Variants in MITF observed in about 807,000 individuals in gnomAD.
MITF encodes melanocyte inducing transcription factor.
A neutral mutation model predicts 60.5 loss-of-function variants in MITF; 17 were observed. That is an observed-to-expected ratio of 0.28 (90% CI 0.19 to 0.42). The LOEUF is 0.42. Among genes scored for constraint, MITF ranks in the 10% least tolerant of loss-of-function variants. The probability of loss-of-function intolerance (pLI) is 1.00; values close to 1 mark genes in which losing one functional copy is unlikely to be tolerated. For missense variants in MITF, 622 were observed against 683.5 expected (o/e 0.91, Z 1.00); for synonymous variants, 260 against 248.5 (o/e 1.05, Z -0.43).
chr3:69,906,816 A>G (rs1244908974), intron 2 of MITF, among the ~76,000 whole-genome samples: 2 of 152,186 alleles, frequency 1.3e-5, no homozygotes, highest in African/African-American at 4.8e-5. Context: ...GAGAGCATCT[A>G]GAATGGAGAC....
intron 5 of MITF, among the ~76,000 whole-genome samples, chr3:69,943,767 G>A (rs2066026791): frequency 6.6e-6 from 1 of 152,024 alleles, no homozygotes; most frequent in Non-Finnish European, 1.5e-5. Context: ...GAAGACAGTT[G>A]TCATGACCCC....
At chr3:69,905,270 A>G (rs1359996144) in intron 2 of MITF, among the ~76,000 whole-genome samples, 1 of 152,148 alleles carries the variant, frequency 6.6e-6, no homozygotes, top group Non-Finnish European at 1.5e-5. Flanking sequence ...TTCACTCAGC[A>G]TAATTAATTT....
intron 1 of MITF, among the ~76,000 whole-genome samples, chr3:69,862,482 T>C (rs564275934): frequency 6.6e-6 from 1 of 152,260 alleles, no homozygotes; most frequent in South Asian, 2.1e-4. Flanking sequence ...AAAGAAAGAA[T>C]ATAAGAAAAT....
intron 1 of MITF, among the ~76,000 whole-genome samples, chr3:69,847,128 C>CAGTGGGACAGCGGGAAGCAGACTA (rs2063745841): frequency 6.6e-6 from 1 of 152,116 alleles, no homozygotes; most frequent in Non-Finnish European, 1.5e-5. Context: ...TCTATAAGGA[C>CAGTGGGACAGCGGGAAGCAGACTA]AGTGGGACAG....
intron 2 of MITF, among the ~76,000 whole-genome samples, chr3:69,924,434 C>T (rs1019728984): frequency 2.0e-5 from 3 of 152,118 alleles, no homozygotes; most frequent in Non-Finnish European, 4.4e-5. Context: ...TAACACTTTT[C>T]CTTTTATGGA....
chr3:69,784,396 A>G (rs938156781), intron 1 of MITF, among the ~76,000 whole-genome samples: 3 of 152,102 alleles, frequency 2.0e-5, no homozygotes, highest in African/African-American at 7.2e-5. Context: ...TTTTGGGGTA[A>G]GAGAAGGGAG....
intron 2 of MITF, among the ~76,000 whole-genome samples, chr3:69,884,226 C>G (rs2064557858): frequency 6.6e-6 from 1 of 152,120 alleles, no homozygotes; most frequent in Non-Finnish European, 1.5e-5. Context: ...CCGTCATGTT[C>G]CCTGGAAGGA....
chr3:69,869,392 G>A (rs1231325654), intron 1 of MITF, among the ~76,000 whole-genome samples: 1 of 152,116 alleles, frequency 6.6e-6, no homozygotes, highest in Non-Finnish European at 1.5e-5. Flanking sequence ...AGACATGGTG[G>A]CAGAAGGTTT....
chr3:69,920,995 G>A (rs1247684457), intron 2 of MITF, among the ~76,000 whole-genome samples: 3 of 152,092 alleles, frequency 2.0e-5, no homozygotes, highest in Non-Finnish European at 2.9e-5. Context: ...AGCCTCCCAA[G>A]TAGCTGGGAT....
At chr3:69,866,471 A>G (rs2064117666) in intron 1 of MITF, 3 of 1,061,474 alleles carry the variant, frequency 2.8e-6, no homozygotes, top group Admixed American at 3.2e-5. Flanking sequence ...TGAAGCTGTT[A>G]CTTCTCACTG....
chr3:69,831,228 T>TA (rs2063442419), intron 1 of MITF, among the ~76,000 whole-genome samples: 1 of 152,210 alleles, frequency 6.6e-6, no homozygotes, highest in African/African-American at 2.4e-5. Flanking sequence ...TGGCAGCCGT[T>TA]AACAATTATG....
At chr3:69,840,530 G>A (rs2063616978) in intron 1 of MITF, among the ~76,000 whole-genome samples, 2 of 151,992 alleles carry the variant, frequency 1.3e-5, no homozygotes, top group Admixed American at 1.3e-4. Context: ...GGTGGAGATT[G>A]GCACCTCTTC....
At position 69,936,834 on chromosome 3, in the gene MITF, A is replaced by C. The variant is rs1426058991; in HGVS notation, c.355-988A>C. On this transcript the variant is annotated intron_variant, in intron 2 of 9. Transcript: ENST00000352241. ...ATTTAATCCACTTTTTGTTATTGTA[A>C]TAGACATACTGTTTTCAATAAGTAT... The C allele has an allele frequency of 6.1e-6, 8 of 1,317,046 alleles. No homozygotes were observed. In the Admixed American group the frequency reaches 1.4e-4, roughly 24 times the overall value. The allele number at this position is 1,317,046 out of a possible 1,614,324, so 81.6% of individuals were successfully genotyped here. A position where few individuals can be genotyped will look rare whatever the true frequency, so the allele number is the denominator to read the frequency against.
chr3:69,783,075 T>C (rs2062591587), intron 1 of MITF, among the ~76,000 whole-genome samples: 1 of 152,184 alleles, frequency 6.6e-6, no homozygotes, highest in South Asian at 2.1e-4. Context: ...GATAAACACC[T>C]TTTGACCTTA....
At chr3:69,862,378 C>T (rs1294285162) in intron 1 of MITF, among the ~76,000 whole-genome samples, 1 of 152,138 alleles carries the variant, frequency 6.6e-6, no homozygotes, top group East Asian at 1.9e-4. Context: ...CATGGGCCAA[C>T]ATAGGACCCA....
At chr3:69,804,509 T>A (rs1216866742) in intron 1 of MITF, among the ~76,000 whole-genome samples, 4 of 152,218 alleles carry the variant, frequency 2.6e-5, no homozygotes, top group African/African-American at 9.7e-5. Flanking sequence ...GCCCAACATT[T>A]ACTACATTTT....
At chr3:69,954,230 A>G (rs1356813696) in intron 7 of MITF, among the ~76,000 whole-genome samples, 2 of 152,326 alleles carry the variant, frequency 1.3e-5, no homozygotes, top group Middle Eastern at 3.4e-3. Flanking sequence ...CCCACTTTAA[A>G]TGTTTTGTTT....
At chr3:69,885,875 T>C (rs1273445105) in intron 2 of MITF, among the ~76,000 whole-genome samples, 1 of 152,104 alleles carries the variant, frequency 6.6e-6, no homozygotes, top group Non-Finnish European at 1.5e-5. Flanking sequence ...CCAGGAAAAC[T>C]GTTATGAGAA....
intron 1 of MITF, among the ~76,000 whole-genome samples, chr3:69,872,674 T>A (rs2064265412): frequency 6.6e-6 from 1 of 152,182 alleles, no homozygotes; most frequent in Non-Finnish European, 1.5e-5. Flanking sequence ...ATCTAATCAG[T>A]CATTGAGATT....
Sources: allele counts gnomAD v4.1 joint callset (sites outside exome capture counted in the v4.1 genomes callset), GRCh38; gene constraint gnomAD v4.1.1; transcripts MANE v1.5; gene names NCBI Gene and HGNC (gene_info 2026-07-23, HGNC 2026-07-21).